The following COL12A1 variants were observed in gnomAD, a reference collection of about 807,000 sequenced individuals.
COL12A1 encodes the protein collagen alpha-1(XII) chain.
In COL12A1, 114 loss-of-function variants were observed where a neutral mutation model predicts 349.7. The ratio of observed to expected loss-of-function variants is 0.33; its 90% CI spans 0.28 to 0.38. The LOEUF (loss-of-function observed/expected upper bound fraction) is 0.38. Among genes scored for constraint, COL12A1 ranks in the 10% least tolerant of loss-of-function variants. The probability of loss-of-function intolerance (pLI) is 1.00; values close to 1 mark genes in which losing one functional copy is unlikely to be tolerated. For synonymous variants in COL12A1, 1,369 were observed against 1,329.0 expected, an observed-to-expected ratio of 1.03 and a Z score of -0.66; for missense variants, 3,284 against 3,756.9, an observed-to-expected ratio of 0.87 and a Z score of 3.29.
intron 14 of COL12A1, among the ~76,000 whole-genome samples, chr6:75,162,064 T>A (rs1768053298): frequency 2.6e-5 from 4 of 152,208 alleles, no homozygotes; most frequent in Admixed American, 2.6e-4. Flanking sequence ...ACTGTCAAAA[T>A]GGCCATACTG....
At chr6:75,192,457 G>T in intron 3 of COL12A1, 102 bp from the exon 4 acceptor site, 2 of 1,063,336 alleles carry the variant, frequency 1.9e-6, no homozygotes, top group Non-Finnish European at 2.7e-6. Flanking sequence ...GAAAAATTCA[G>T]TATATACATT....
rs1353013260 is a variant in COL12A1, at chr6:75,146,205, C to A, written c.4457G>T (p.Gly1486Val). The part of the protein sequence containing the change: ...PVVSLNIYDV[G>V]PTTMHVQWQP... ...CCACTGCACATGCATGGTGGTAGGG[C>A]CAACATCATAAATATTCAGGCTGAC... Residue 1486 changes from glycine to valine, a missense_variant, in exon 24 of 66, where the codon GGC (glycine) becomes GTC (valine). Gly to Val is a moderately radical substitution (Grantham distance 109). Coordinates refer to ENST00000322507, the MANE Select transcript of COL12A1 (RefSeq NM_004370.6). 5 of 1,612,178 alleles carry A rather than the reference C, an allele frequency of 3.1e-6. No homozygotes were observed. Among genetic ancestry groups the A allele is most frequent in the African/African-American group, 1.3e-5 (1 of 74,784 alleles).
At chr6:75,100,044 G>A (rs567766765) in intron 58 of COL12A1, among the ~76,000 whole-genome samples, 1 of 152,344 alleles carries the variant, frequency 6.6e-6, no homozygotes, top group South Asian at 2.1e-4. Flanking sequence ...ATTAGTGGTA[G>A]TTTACTAAGC....
At chr6:75,141,820 G>A (rs961921639) in intron 27 of COL12A1, among the ~76,000 whole-genome samples, 2 of 152,134 alleles carry the variant, frequency 1.3e-5, no homozygotes, top group East Asian at 1.9e-4. Flanking sequence ...TAATGACAGT[G>A]GCTGATGGAA....
At chr6:75,128,994 C>T (rs1368585826) in intron 37 of COL12A1, among the ~76,000 whole-genome samples, 1 of 152,208 alleles carries the variant, frequency 6.6e-6, no homozygotes, top group Non-Finnish European at 1.5e-5. Flanking sequence ...ACATCTCAAT[C>T]TCTCTTCTAA....
chr6:75,148,585 C>T, intron 21 of COL12A1, 88 bp from the exon 22 acceptor site: 1 of 1,165,128 alleles, frequency 8.6e-7, no homozygotes, highest in South Asian at 1.5e-5. Context: ...ATATTATGCT[C>T]CATATTCTAA....
chr6:75,092,530 A>G (rs1369518161), intron 60 of COL12A1, among the ~76,000 whole-genome samples: 1 of 152,094 alleles, frequency 6.6e-6, no homozygotes, highest in Non-Finnish European at 1.5e-5. Flanking sequence ...TCAGTTATAT[A>G]TTTCCAGGCT....
Position 75,123,354 on chromosome 6 carries a change from G to C in COL12A1, c.6922C>G (p.Pro2308Ala), listed in dbSNP as rs55997127. Residue 2308 changes from proline to alanine, a missense_variant, in exon 43 of 66, where the codon CCC becomes GCC. By Grantham distance (27) the Pro-to-Ala change is conservative. Around this residue, in one of 2 missense-constraint regions of COL12A1, gnomAD observed 2,601 missense variants for 2,824.8 expected, o/e 0.92. Coordinates refer to ENST00000322507, the MANE Select transcript of COL12A1 (RefSeq NM_004370.6). ...CCATCCCGGGCTGGTGGAATGGTGG[G>C]AGGGGGAGGAGGTGTGGGTGGCTCT... ...PTEPPTPPPPPTIPPARDVCK... is the reference protein window; with the variant it reads ...PTEPPTPPPPATIPPARDVCK... 698 of 1,608,162 alleles carry C rather than the reference G, an allele frequency of 4.3e-4. 2 individuals carry two copies. The highest frequency in any genetic ancestry group is 5.5e-4 in the Non-Finnish European group (646 of 1,177,058).
At chr6:75,152,684 T>C (rs1405338079) in intron 17 of COL12A1, among the ~76,000 whole-genome samples, 1 of 152,132 alleles carries the variant, frequency 6.6e-6, no homozygotes, top group Non-Finnish European at 1.5e-5. Flanking sequence ...GAGTCAGCAG[T>C]TCCTCCAAAG....
chr6:75,126,207 C>T, intron 39 of COL12A1, 144 bp downstream of exon 39: 1 of 825,142 alleles, frequency 1.2e-6, no homozygotes, highest in African/African-American at 1.7e-5. Flanking sequence ...AATGTTATTG[C>T]CAAAAACATT....
chr6:75,171,436 C>T (rs925679048), intron 13 of COL12A1, among the ~76,000 whole-genome samples: 22 of 152,186 alleles, frequency 1.4e-4, no homozygotes, highest in Non-Finnish European at 2.9e-4. Context: ...GAAATAGATT[C>T]AAGTTAGGGA....
intron 3 of COL12A1, 80 bp from the exon 4 acceptor site, chr6:75,192,435 T>C: frequency 7.7e-7 from 1 of 1,304,398 alleles, no homozygotes; most frequent in Non-Finnish European, 1.1e-6. Context: ...TTCCCAGAGG[T>C]ACTCAAAATC....
chr6:75,165,903 C>A, intron 13 of COL12A1, 124 bp from the exon 14 acceptor site: 1 of 933,674 alleles, frequency 1.1e-6, no homozygotes, highest in Non-Finnish European at 1.6e-6. Context: ...CTAAAATTGC[C>A]CATTTCTTCT....
chr6:75,175,174 C>T lies in COL12A1; in HGVS notation c.2574G>A (p.Glu858=). The T allele has an allele frequency of 6.2e-7, 1 of 1,614,164 alleles. No homozygotes were observed. The highest frequency in any genetic ancestry group is 1.1e-5 in the South Asian group (1 of 91,086). ...TGGTTGTATCTCCCCTCACAGTGAC[C>T]TCTTGAGTTTCACCCCCTGCCACTG... The part of the protein sequence containing the change: ...YTPVAGGETQ[E]VTVRGDTTNT... The change falls in exon 13 of 66, where the codon GAG becomes GAA. Residue 858 remains glutamate, a synonymous_variant. Coordinates refer to ENST00000322507, the MANE Select transcript of COL12A1 (RefSeq NM_004370.6).
rs11289042 is a variant in COL12A1, at chr6:75,087,281, GA to G, written c.9181+295del. ...TCCCTGTTCCCAATCTTGGGGAAAA[GA>G]AAAAAAAAAAGTCAATTACTAGCAT... On this transcript the variant is annotated intron_variant, in intron 65 of 65. Coordinates refer to ENST00000322507, the MANE Select transcript of COL12A1 (RefSeq NM_004370.6). The G allele has an allele frequency of 0.94, 286,934 of 305,376 alleles. 134,423 individuals are homozygous for G. Among genetic ancestry groups the G allele is most frequent in the African/African-American group, 0.99 (45,082 of 45,674 alleles). The allele number at this position is 305,376 out of a possible 1,614,324, so 18.9% of individuals were successfully genotyped here.
Position 75,124,052 on chromosome 6 carries a change from C to T in COL12A1, c.6767G>A (p.Ser2256Asn), listed in dbSNP as rs755685093. Residue 2256 changes from serine (S) to asparagine (N), a missense_variant, in exon 42 of 66, where the codon AGT becomes AAT. Around this residue, in one of 2 missense-constraint regions of COL12A1, gnomAD observed 2,601 missense variants for 2,824.8 expected, o/e 0.92. Coordinates refer to ENST00000322507, the MANE Select transcript of COL12A1 (RefSeq NM_004370.6). ...QEITVRGSET[S>N]HCFTGLSPDT... Reference sequence around the variant, plus strand: ...TGGTGAAAGGCCAGTGAAGCAGTGACTGGTTTCTGATCCACGCACTGTAAT... The same window carrying T: ...TGGTGAAAGGCCAGTGAAGCAGTGATTGGTTTCTGATCCACGCACTGTAAT... 1 of 1,613,826 alleles carries T rather than the reference C, an allele frequency of 6.2e-7. No individual in the cohort carries two copies. The highest frequency in any genetic ancestry group is 1.3e-5 in the African/African-American group (1 of 74,916).
At chr6:75,147,117 T>G (rs1005799382) in intron 23 of COL12A1, among the ~76,000 whole-genome samples, 1 of 151,396 alleles carries the variant, frequency 6.6e-6, no homozygotes, top group African/African-American at 2.4e-5. Flanking sequence ...GCACTTAGAG[T>G]TTCTCTAGCA....
At chr6:75,137,374 G>A in intron 31 of COL12A1, 63 bp downstream of exon 31, 2 of 1,441,934 alleles carry the variant, frequency 1.4e-6, no homozygotes, top group Non-Finnish European at 9.4e-7. Context: ...CACTGAGGGG[G>A]AAAAAGAGTT....
intron 31 of COL12A1, 147 bp downstream of exon 31, chr6:75,137,290 G>T: frequency 2.8e-6 from 2 of 719,970 alleles, no homozygotes; most frequent in Non-Finnish European, 4.4e-6. Flanking sequence ...TGGAGTGCCA[G>T]CTAAAGAGTC....
Sources: allele counts gnomAD v4.1 joint callset (sites outside exome capture counted in the v4.1 genomes callset), GRCh38; gene constraint gnomAD v4.1.1; regional missense constraint gnomAD v4.1.1; transcripts MANE v1.5; gene names NCBI Gene and HGNC (gene_info 2026-07-23, HGNC 2026-07-21).